Variants in LRRC4C observed in about 807,000 individuals in gnomAD.
LRRC4C encodes leucine-rich repeat-containing protein 4C.
LRRC4C carries 5 observed loss-of-function variants against 33.6 expected under a neutral mutation model. That is an observed-to-expected ratio of 0.15 (90% CI 0.08 to 0.31). The LOEUF (loss-of-function observed/expected upper bound fraction) is 0.31. Among genes scored for constraint, LRRC4C ranks in the 10% least tolerant of loss-of-function variants. LRRC4C has a pLI of 1.00. For missense variants in LRRC4C, 560 were observed against 796.7 expected (o/e 0.70, Z 3.58); for synonymous variants, 329 against 302.0 (o/e 1.09, Z -0.93).
intron 1 of LRRC4C, among the ~76,000 whole-genome samples, chr11:41,439,006 A>C (rs1253223383): frequency 6.6e-6 from 1 of 152,140 alleles, no homozygotes; most frequent in African/African-American, 2.4e-5. Flanking sequence ...CATAACCTGA[A>C]TAGTGTACAT....
intron 1 of LRRC4C, among the ~76,000 whole-genome samples, chr11:40,984,919 T>TTTTTTTTTG (rs1852887549): frequency 7.0e-6 from 1 of 142,728 alleles, no homozygotes; most frequent in Non-Finnish European, 1.5e-5. Context: ...TTTTTTTTTT[T>TTTTTTTTTG]GAGACGCAAT....
chr11:40,644,141 C>G (rs1942293113), intron 3 of LRRC4C, among the ~76,000 whole-genome samples: 1 of 152,010 alleles, frequency 6.6e-6, no homozygotes, highest in Admixed American at 6.6e-5. Context: ...ATAAATAAAA[C>G]TATAAAACTT....
intron 3 of LRRC4C, among the ~76,000 whole-genome samples, chr11:40,455,953 A>G (rs572406608): frequency 1.1e-3 from 170 of 152,240 alleles, no homozygotes; most frequent in African/African-American, 3.9e-3. Flanking sequence ...AAATGTTCCA[A>G]TGAGGAAGTG....
chr11:40,489,906 A>C (rs1954060678), intron 3 of LRRC4C, among the ~76,000 whole-genome samples: 1 of 152,132 alleles, frequency 6.6e-6, no homozygotes, highest in Admixed American at 6.6e-5. Flanking sequence ...TTTATTGAGC[A>C]CTCACTGTGT....
chr11:40,393,388 G>A (rs1949411550), intron 3 of LRRC4C, among the ~76,000 whole-genome samples: 1 of 152,040 alleles, frequency 6.6e-6, no homozygotes, highest in African/African-American at 2.4e-5. Context: ...TTTCTTAAGA[G>A]ACCCTGAAGA....
At chr11:41,193,368 T>C (rs1946045649) in intron 1 of LRRC4C, among the ~76,000 whole-genome samples, 1 of 152,126 alleles carries the variant, frequency 6.6e-6, no homozygotes, top group Non-Finnish European at 1.5e-5. Context: ...TAAAGCTCAT[T>C]ACACATCATA....
At chr11:41,128,636 T>C (rs1266506465) in intron 1 of LRRC4C, among the ~76,000 whole-genome samples, 6 of 152,100 alleles carry the variant, frequency 3.9e-5, no homozygotes, top group Non-Finnish European at 7.4e-5. Flanking sequence ...TTAGTTCATG[T>C]GACCTCCTCA....
chr11:41,346,920 A>G (rs1951821988), intron 1 of LRRC4C, among the ~76,000 whole-genome samples: 2 of 152,246 alleles, frequency 1.3e-5, no homozygotes, highest in African/African-American at 2.4e-5. Flanking sequence ...TTCAAAATCC[A>G]GAATTTATAG....
intron 2 of LRRC4C, among the ~76,000 whole-genome samples, chr11:40,815,355 C>A (rs188599150): frequency 3.9e-4 from 59 of 152,310 alleles, no homozygotes; most frequent in African/African-American, 1.2e-3. Flanking sequence ...GTCCCTCCCA[C>A]AACATGTGGG....
chr11:40,620,491 C>A, intron 3 of LRRC4C, among the ~76,000 whole-genome samples: 1 of 151,604 alleles, frequency 6.6e-6, no homozygotes, highest in East Asian at 1.9e-4. Flanking sequence ...TTCTTTGATT[C>A]AATTGGTATT....
intron 5 of LRRC4C, among the ~76,000 whole-genome samples, chr11:40,229,778 G>A (rs895457629): frequency 1.1e-4 from 17 of 152,152 alleles, no homozygotes; most frequent in African/African-American, 4.1e-4. Flanking sequence ...AAGGGGGACT[G>A]GCTGAACCAC....
intron 3 of LRRC4C, among the ~76,000 whole-genome samples, chr11:40,430,466 C>T (rs1036800071): frequency 1.3e-5 from 2 of 152,066 alleles, no homozygotes; most frequent in Non-Finnish European, 2.9e-5. Context: ...ACACTAGATG[C>T]TACAATAGGC....
chr11:40,286,391 CA>C (rs1302981333), intron 4 of LRRC4C, among the ~76,000 whole-genome samples: 1 of 151,944 alleles, frequency 6.6e-6, no homozygotes, highest in East Asian at 1.9e-4. Context: ...TTCCTAAGTG[CA>C]GAAAGCTCTC....
intron 1 of LRRC4C, among the ~76,000 whole-genome samples, chr11:41,185,673 C>G (rs1289104359): frequency 1.3e-5 from 2 of 152,090 alleles, no homozygotes; most frequent in African/African-American, 4.8e-5. Flanking sequence ...GAGAGACCTA[C>G]TTACAAAACT....
chr11:40,527,233 A>G (rs1476085141), intron 3 of LRRC4C, among the ~76,000 whole-genome samples: 1 of 152,146 alleles, frequency 6.6e-6, no homozygotes, highest in African/African-American at 2.4e-5. Context: ...AAAATTCATC[A>G]AGCTATTCAC....
chr11:40,152,876 G>C (rs1003323874), intron 5 of LRRC4C, among the ~76,000 whole-genome samples: 1 of 152,028 alleles, frequency 6.6e-6, no homozygotes, highest in Non-Finnish European at 1.5e-5. Flanking sequence ...AGATGACAAA[G>C]GGCATATTAT....
intron 1 of LRRC4C, among the ~76,000 whole-genome samples, chr11:41,418,955 CA>C (rs1954783020): frequency 6.6e-6 from 1 of 151,534 alleles, no homozygotes; most frequent in Non-Finnish European, 1.5e-5. Flanking sequence ...TCATTCATTT[CA>C]AAAATGTTTA....
chr11:41,005,509 C>G (rs1025508377), intron 1 of LRRC4C, among the ~76,000 whole-genome samples: 1 of 152,098 alleles, frequency 6.6e-6, no homozygotes, highest in African/African-American at 2.4e-5. Flanking sequence ...GAGGCTGAGG[C>G]AAGAGAATTG....
At chr11:40,480,885 C>T (rs1278179477) in intron 3 of LRRC4C, among the ~76,000 whole-genome samples, 4 of 151,878 alleles carry the variant, frequency 2.6e-5, no homozygotes, top group Middle Eastern at 3.4e-3. Flanking sequence ...AAAAGGCAAA[C>T]TCATAGAAGC....
Sources: allele counts gnomAD v4.1 joint callset (sites outside exome capture counted in the v4.1 genomes callset), GRCh38; gene constraint gnomAD v4.1.1; transcripts MANE v1.5; gene names NCBI Gene and HGNC (gene_info 2026-07-23, HGNC 2026-07-21).